The following SLC12A5 variants were observed in gnomAD, a reference collection of about 807,000 sequenced individuals.
The protein encoded by SLC12A5 is solute carrier family 12 member 5, also known as K-Cl cotransporter 2.
SLC12A5 carries 18 observed loss-of-function variants against 124.0 expected under a neutral mutation model. That is an observed-to-expected ratio of 0.15 (90% CI 0.10 to 0.22). The LOEUF is 0.22. SLC12A5 is among the 10% of genes least tolerant of loss of function. The probability of loss-of-function intolerance (pLI) is 1.00; values close to 1 mark genes in which losing one functional copy is unlikely to be tolerated. For missense variants in SLC12A5, 867 were observed against 1,478.7 expected, an observed-to-expected ratio of 0.59 and a Z score of 6.78; for synonymous variants, 589 against 568.0, an observed-to-expected ratio of 1.04 and a Z score of -0.53.
intron 3 of SLC12A5, 89 bp from the exon 4 acceptor site, chr20:46,035,688 G>A: frequency 6.6e-7 from 1 of 1,523,972 alleles, no homozygotes; most frequent in Non-Finnish European, 8.9e-7. Context: ...AGAAGAGGAA[G>A]GTGGGGGCAG....
Position 46,048,821 on chromosome 20 carries a change from T to C in SLC12A5, c.2012+736T>C, listed in dbSNP as rs139464252. ...AGGCAGAGGTTATAGTGAGCCGAGA[T>C]TGTACCACTGCACTCCAGCCTGGGT... On this transcript the variant is annotated intron_variant, in intron 16 of 25. Coordinates refer to ENST00000243964, the MANE Select transcript of SLC12A5 (RefSeq NM_020708.5). 2.0e-3 allele frequency among the ~76,000 whole-genome samples: 305 copies of C among 151,650 alleles called. 3 individuals are homozygous for C. Among genetic ancestry groups the C allele is most frequent in the African/African-American group, 6.8e-3 (282 of 41,320 alleles).
intron 1 of SLC12A5, among the ~76,000 whole-genome samples, chr20:46,031,500 G>T (rs1384503238): frequency 6.6e-6 from 1 of 152,196 alleles, no homozygotes. Flanking sequence ...CTAGATTCTT[G>T]GGGATGTACG....
At chr20:46,049,490 T>C in intron 16 of SLC12A5, 132 bp from the exon 17 acceptor site, 1 of 1,112,026 alleles carries the variant, frequency 9.0e-7, no homozygotes. Context: ...AATGGATGGG[T>C]GGTGAGGGGT....
At position 46,049,688 on chromosome 20, in the gene SLC12A5, A is replaced by G. The variant is rs143164408; in HGVS notation, c.2079A>G (p.Ser693=). The G allele has an allele frequency of 4.4e-6, 7 of 1,606,456 alleles. No homozygotes were observed. The highest frequency in any genetic ancestry group is 1.7e-5 in the Admixed American group (1 of 58,750). ...ATGTGGTGCACCCCCAGCTGCTCTC[A>G]CTGACCTCCCAGCTGAAGGCGGGGA... ...DQNVVHPQLL[S]LTSQLKAGKG... is the part of the protein sequence containing the mutation. The change falls in exon 17 of 26, where the codon TCA becomes TCG. Residue 693 remains serine (S), a synonymous_variant. Transcript: ENST00000243964.
intron 1 of SLC12A5, 105 bp downstream of exon 1, chr20:46,029,501 G>T (rs1024508837): frequency 1.6e-6 from 2 of 1,275,542 alleles, no homozygotes; most frequent in East Asian, 2.6e-5. Context: ...AGGAGGCTGG[G>T]ACTGACCCGG....
At chr20:46,049,456 G>A (rs1359922461) in intron 16 of SLC12A5, among the ~76,000 whole-genome samples, 166 bp from the exon 17 acceptor site, 3 of 152,186 alleles carry the variant, frequency 2.0e-5, no homozygotes, top group Non-Finnish European at 4.4e-5. Flanking sequence ...GAGGTGAATG[G>A]AGAAATGGGT....
chr20:46,039,573 G>A (rs1170732265), intron 6 of SLC12A5, among the ~76,000 whole-genome samples: 2 of 152,052 alleles, frequency 1.3e-5, no homozygotes, highest in Non-Finnish European at 2.9e-5. Context: ...TCAGGAGTTC[G>A]AGACCAGCCT....
At chr20:46,039,595 T>A (rs1407813275) in intron 6 of SLC12A5, among the ~76,000 whole-genome samples, 1 of 152,046 alleles carries the variant, frequency 6.6e-6, no homozygotes, top group East Asian at 1.9e-4. Flanking sequence ...ACTGATACGG[T>A]GAAACCCCGT....
At chr20:46,055,348 G>A (rs902416045) in intron 21 of SLC12A5, among the ~76,000 whole-genome samples, 1 of 152,210 alleles carries the variant, frequency 6.6e-6, no homozygotes, top group Non-Finnish European at 1.5e-5. Flanking sequence ...TGGGCTGCCA[G>A]TGTGAGGGAT....
intron 10 of SLC12A5, 58 bp from the exon 11 acceptor site, chr20:46,043,818 G>A: frequency 6.2e-7 from 1 of 1,613,194 alleles, no homozygotes; most frequent in African/African-American, 1.3e-5. Context: ...GCTGGTGCAG[G>A]AAGGGTGGGG....
Position 46,041,414 on chromosome 20 carries a change from A to C in SLC12A5, c.940A>C (p.Thr314Pro). The change falls in exon 8 of 26, where the codon ACC (threonine) becomes CCC (proline). Residue 314 changes from threonine (T) to proline (P), a missense_variant. By Grantham distance (38) the Thr-to-Pro change is conservative. Transcript: ENST00000243964. ...GGCTTGGGAAGGAAATGAGACGGTG[A>C]CCACACGGCTATGGGGCCTTTTCTG... ...KLAWEGNETV[T>P]TRLWGLFCSS... 6.2e-7 allele frequency: 1 copy of C among 1,614,104 alleles called. No individual in the cohort carries two copies.
chr20:46,048,429 A>C (rs1450191350), intron 16 of SLC12A5, among the ~76,000 whole-genome samples: 1 of 152,198 alleles, frequency 6.6e-6, no homozygotes. Context: ...TAGGAAGCTC[A>C]CAGTTTTGTG....
chr20:46,057,764 C>T lies in SLC12A5; in HGVS notation c.*159C>T. 1 of 610,820 alleles carries T rather than the reference C, an allele frequency of 1.6e-6. No homozygotes were observed. The highest frequency in any genetic ancestry group is 2.8e-6 in the Non-Finnish European group (1 of 361,864). The allele number at this position is 610,820 out of a possible 1,614,324, so 37.8% of individuals were successfully genotyped here. A position where few individuals can be genotyped will look rare whatever the true frequency, so the allele number is the denominator to read the frequency against. On this transcript the variant is annotated 3_prime_UTR_variant, in exon 26 of 26. Transcript: ENST00000243964. The surrounding 1 kb of genome is among the most constrained non-coding windows in gnomAD (Gnocchi z 7.1). The stretch of plus-strand genomic sequence containing the variant: ...AGCCCGGAGGCCACGCCTGTTGGGG[C>T]TGATTCGGAGAGGGCGCCCCGCCGC...
intron 15 of SLC12A5, 83 bp from the exon 16 acceptor site, chr20:46,047,898 T>C: frequency 7.7e-7 from 1 of 1,305,624 alleles, no homozygotes; most frequent in Non-Finnish European, 1.1e-6. Context: ...GGCTCTGCCC[T>C]GGGGTAGCTG....
At chr20:46,021,870 G>A (rs2084358033) in exon 1 of SLC12A5, 3 of 1,529,416 alleles carry the variant, frequency 2.0e-6, no homozygotes, top group African/African-American at 2.8e-5. Context: ...GCCACCTCCC[G>A]GGGGAAGACG....
At chr20:46,028,176 C>T (rs532495503), upstream of SLC12A5, among the ~76,000 whole-genome samples, 61 of 152,132 alleles carry the variant, frequency 4.0e-4, no homozygotes, top group Admixed American at 9.8e-4. Context: ...GAGAGCATGT[C>T]GGCTCTGGAA....
exon 2 of SLC12A5, chr20:46,022,965 G>GGAGGAGGAGGAAGAGGAGGAGGAGGAA (rs912238609): frequency 1.3e-5 from 5 of 399,210 alleles, no homozygotes; most frequent in Middle Eastern, 6.2e-4. Flanking sequence ...AGGAGGAGGA[G>GGAGGAGGAGGAAGAGGAGGAGGAGGAA]GAGGAGGAGG....
chr20:46,047,974 C>G lies in SLC12A5; in HGVS notation c.1908-7C>G. 1.9e-6 allele frequency: 3 copies of G among 1,604,978 alleles called. No homozygotes were observed. Among genetic ancestry groups the G allele is most frequent in the Non-Finnish European group, 2.6e-6 (3 of 1,175,586 alleles). Reference sequence around the variant, plus strand: ...TGCTCTCATGTGATCCACTTCCCGGCTCCCAGGGCAGAGAAGGAGTGGGGC... The same window carrying G: ...TGCTCTCATGTGATCCACTTCCCGGGTCCCAGGGCAGAGAAGGAGTGGGGC... On this transcript the variant is annotated splice_polypyrimidine_tract_variant and splice_region_variant and intron_variant, in intron 15 of 25. Transcript: ENST00000243964.
intron 14 of SLC12A5, 46 bp from the exon 15 acceptor site, chr20:46,047,408 A>G: frequency 6.2e-7 from 1 of 1,600,004 alleles, no homozygotes; most frequent in Non-Finnish European, 8.5e-7. Context: ...AGCTTCAGCA[A>G]CAGCCCTGCT....
Sources: gnomAD v4.1 joint callset for allele counts (sites outside exome capture counted in the v4.1 genomes callset) on GRCh38, gnomAD v4.1.1 for gene constraint, Gnocchi (gnomAD v3.1) non-coding constraint, MANE v1.5 for transcripts, NCBI Gene and HGNC (gene_info 2026-07-23, HGNC 2026-07-21) for gene names.